Variants in LRRC4C observed in about 807,000 individuals in gnomAD.
The protein encoded by LRRC4C is leucine-rich repeat-containing protein 4C.
In LRRC4C, 5 loss-of-function variants were observed where a neutral mutation model predicts 33.6. That is an observed-to-expected ratio of 0.15 (90% confidence interval 0.08 to 0.31). The LOEUF is 0.31. LRRC4C is among the 10% of genes least tolerant of loss of function. LRRC4C has a pLI of 1.00. For synonymous variants in LRRC4C, 329 were observed against 302.0 expected, an observed-to-expected ratio of 1.09 and a Z score of -0.93; for missense variants, 560 against 796.7, an observed-to-expected ratio of 0.70 and a Z score of 3.58.
At chr11:40,946,300 GTATA>G (rs1958396786) in intron 1 of LRRC4C, among the ~76,000 whole-genome samples, 1 of 152,134 alleles carries the variant, frequency 6.6e-6, no homozygotes, top group African/African-American at 2.4e-5. Context: ...GTATTTCTTG[GTATA>G]TATGTACCAC....
chr11:41,166,371 T>C (rs1944729014), intron 1 of LRRC4C, among the ~76,000 whole-genome samples: 1 of 152,222 alleles, frequency 6.6e-6, no homozygotes. Context: ...ATTTTTCATA[T>C]AATTGTTACT....
At chr11:40,146,983 T>C (rs542999387) in intron 5 of LRRC4C, among the ~76,000 whole-genome samples, 1 of 152,178 alleles carries the variant, frequency 6.6e-6, no homozygotes, top group Non-Finnish European at 1.5e-5. Context: ...TTACTCAAAG[T>C]GGGCCCTTTT....
intron 2 of LRRC4C, among the ~76,000 whole-genome samples, chr11:40,864,318 CT>C (rs1307368910): frequency 1.3e-5 from 2 of 152,112 alleles, no homozygotes; most frequent in Admixed American, 6.6e-5. Context: ...ATTCACCTGC[CT>C]TGGCCTCCAA....
intron 1 of LRRC4C, among the ~76,000 whole-genome samples, chr11:41,020,989 TA>T (rs1484512025): frequency 6.6e-6 from 1 of 152,172 alleles, no homozygotes; most frequent in Non-Finnish European, 1.5e-5. Context: ...TCTCCTGAAA[TA>T]AATGAGGCTG....
chr11:41,302,372 C>T (rs1295441395), intron 1 of LRRC4C, among the ~76,000 whole-genome samples: 2 of 152,090 alleles, frequency 1.3e-5, no homozygotes, highest in Admixed American at 1.3e-4. Context: ...TTGAGAGAGA[C>T]AGAACCTTTC....
chr11:40,572,681 C>A (rs115027608), intron 3 of LRRC4C, among the ~76,000 whole-genome samples: 1 of 152,146 alleles, frequency 6.6e-6, no homozygotes, highest in Non-Finnish European at 1.5e-5. Context: ...AAAATGTCAA[C>A]ACTCAGCCTC....
At chr11:41,326,225 C>G (rs1951113790) in intron 1 of LRRC4C, among the ~76,000 whole-genome samples, 1 of 152,092 alleles carries the variant, frequency 6.6e-6, no homozygotes, top group Non-Finnish European at 1.5e-5. Context: ...CATCCTTCTC[C>G]ATTGCTGGAT....
chr11:40,731,542 A>C (rs1391608453), intron 2 of LRRC4C, among the ~76,000 whole-genome samples: 1 of 152,272 alleles, frequency 6.6e-6, no homozygotes, highest in South Asian at 2.1e-4. Context: ...ACCCAGTCTC[A>C]GGTATTTCTT....
Position 40,136,831 on chromosome 11 carries a change from C to A in LRRC4C, c.-43+3970G>T, listed in dbSNP as rs536022570. On this transcript the variant is annotated intron_variant, in intron 6 of 6. Coordinates refer to ENST00000528697, the MANE Select transcript of LRRC4C (RefSeq NM_001258419.2). ...CCATTACTTGATCACACTTTCAGTA[C>A]ACTGTGACATATTGCTATTTCTGTG... Among the ~76,000 whole-genome samples, 98 of 152,264 alleles carry A rather than the reference C, an allele frequency of 6.4e-4. 1 individual carries two copies. The South Asian group carries it at 0.02, about 32-fold the overall frequency.
chr11:40,156,587 C>G (rs1285214264), intron 5 of LRRC4C, among the ~76,000 whole-genome samples: 1 of 151,980 alleles, frequency 6.6e-6, no homozygotes, highest in Non-Finnish European at 1.5e-5. Context: ...AGAACTCAAC[C>G]TCTTTTACAA....
At chr11:41,110,354 A>G (rs1180606533) in intron 1 of LRRC4C, among the ~76,000 whole-genome samples, 1 of 152,110 alleles carries the variant, frequency 6.6e-6, no homozygotes, top group South Asian at 2.1e-4. Flanking sequence ...AGCCATTTTC[A>G]CTTTACATTA....
chr11:40,283,426 A>G (rs1030086654), intron 4 of LRRC4C, among the ~76,000 whole-genome samples: 8 of 150,426 alleles, frequency 5.3e-5, no homozygotes, highest in African/African-American at 1.2e-4. Context: ...AGTAAAAGTA[A>G]AAAAAAAATT....
chr11:40,778,056 A>T (rs894061501), intron 2 of LRRC4C, among the ~76,000 whole-genome samples: 1 of 152,166 alleles, frequency 6.6e-6, no homozygotes, highest in Non-Finnish European at 1.5e-5. Context: ...GGCCATTTAC[A>T]TTCAAGGTTA....
At chr11:40,694,388 C>T (rs945726862) in intron 2 of LRRC4C, among the ~76,000 whole-genome samples, 3 of 152,254 alleles carry the variant, frequency 2.0e-5, no homozygotes, top group Admixed American at 1.3e-4. Flanking sequence ...TCATCTGGCA[C>T]ATTTTCATCA....
At chr11:40,540,267 G>A (rs554070039) in intron 3 of LRRC4C, among the ~76,000 whole-genome samples, 1 of 152,186 alleles carries the variant, frequency 6.6e-6, no homozygotes, top group South Asian at 2.1e-4. Flanking sequence ...TTGTAGCGCT[G>A]GCAGTTCTTA....
chr11:40,235,013 CT>C (rs1326453664), intron 5 of LRRC4C, among the ~76,000 whole-genome samples: 1 of 152,232 alleles, frequency 6.6e-6, no homozygotes, highest in African/African-American at 2.4e-5. Context: ...CACATTTCCA[CT>C]GCTTTATCTC....
intron 3 of LRRC4C, among the ~76,000 whole-genome samples, chr11:40,369,430 C>G (rs1255430405): frequency 6.6e-6 from 1 of 152,184 alleles, no homozygotes; most frequent in Non-Finnish European, 1.5e-5. Flanking sequence ...ACCGCAAACT[C>G]TGCCTCCCGG....
intron 3 of LRRC4C, among the ~76,000 whole-genome samples, chr11:40,624,015 G>A (rs907347360): frequency 2.0e-5 from 3 of 152,026 alleles, no homozygotes; most frequent in Non-Finnish European, 2.9e-5. Flanking sequence ...GAGAACTTCT[G>A]GTAGACGAGA....
chr11:40,866,690 T>C (rs1468726589), intron 2 of LRRC4C, among the ~76,000 whole-genome samples: 2 of 152,098 alleles, frequency 1.3e-5, no homozygotes, highest in South Asian at 2.1e-4. Context: ...GTTGATAAAA[T>C]TGTGTGATGA....
Sources: allele counts gnomAD v4.1 joint callset (sites outside exome capture counted in the v4.1 genomes callset), GRCh38; gene constraint gnomAD v4.1.1; transcripts MANE v1.5; gene names NCBI Gene and HGNC (gene_info 2026-07-23, HGNC 2026-07-21).